CCDC170: variants seen among roughly 807,000 people sequenced by gnomAD.
CCDC170 encodes the protein coiled-coil domain containing 170.
In CCDC170, 69 loss-of-function variants were observed where a neutral mutation model predicts 72.6. That is an observed-to-expected ratio of 0.95 (90% CI 0.78 to 1.16). The LOEUF (loss-of-function observed/expected upper bound fraction) is 1.16. Among genes scored for constraint, CCDC170 ranks in the 50% most tolerant of loss-of-function variants. CCDC170 has a pLI of 0.00. For synonymous variants in CCDC170, 300 were observed against 303.9 expected, an observed-to-expected ratio of 0.99 and a Z score of 0.13; for missense variants, 852 against 832.5, an observed-to-expected ratio of 1.02 and a Z score of -0.29.
At chr6:151,597,694 A>T (rs937218559) in intron 9 of CCDC170, among the ~76,000 whole-genome samples, 1 of 152,244 alleles carries the variant, frequency 6.6e-6, no homozygotes, top group Non-Finnish European at 1.5e-5. Context: ...ACTTCTAACG[A>T]AGGCAGAGCA....
intron 1 of CCDC170, among the ~76,000 whole-genome samples, chr6:151,516,871 G>T (rs57654960): frequency 0.13 from 19,621 of 152,152 alleles, 1,430 homozygotes; most frequent in Middle Eastern, 0.21. Flanking sequence ...GTGCCATATT[G>T]TCTTTTCCTT....
intron 9 of CCDC170, among the ~76,000 whole-genome samples, chr6:151,603,551 A>G (rs187588250): frequency 1.6e-4 from 25 of 152,348 alleles, no homozygotes; most frequent in Middle Eastern, 3.4e-3. Flanking sequence ...TGCTTTGTGT[A>G]ATTTATATCA....
intron 1 of CCDC170, among the ~76,000 whole-genome samples, chr6:151,504,880 C>T (rs1782044080): frequency 1.3e-5 from 2 of 151,488 alleles, no homozygotes; most frequent in African/African-American, 4.9e-5. Flanking sequence ...GGACAGAACC[C>T]AGCAAATATC....
intron 5 of CCDC170, 134 bp downstream of exon 5, chr6:151,548,623 C>CTGAGTGCAGGCTCTTAA: frequency 1.4e-6 from 1 of 714,338 alleles, no homozygotes; most frequent in Non-Finnish European, 2.1e-6. Context: ...TAAGAGCCTG[C>CTGAGTGCAGGCTCTTAA]ACTCAGCAGG....
At chr6:151,611,943 TC>T (rs1404935333) in intron 9 of CCDC170, among the ~76,000 whole-genome samples, 1 of 152,120 alleles carries the variant, frequency 6.6e-6, no homozygotes, top group Non-Finnish European at 1.5e-5. Flanking sequence ...ACTCCTGACC[TC>T]GTGATCCACC....
rs770534076 is a variant in CCDC170 at position 151,596,458 on chromosome 6, G to A, written c.1591G>A (p.Ala531Thr). The change falls in exon 9 of 11, where the codon GCG becomes ACG. Residue 531 changes from alanine to threonine, a missense_variant. Ala to Thr is a moderately conservative substitution (Grantham distance 58, BLOSUM62 0). Coordinates refer to ENST00000239374, the MANE Select transcript of CCDC170 (RefSeq NM_025059.4). ...GGCCTTGGTGGTTGAGAGGGACAAC[G>A]CGCATCTTACCATCAGGAACTTGCA... ...RTALVVERDN[A>T]HLTIRNLQKK... The A allele has an allele frequency of 2.2e-5, 36 of 1,613,956 alleles. No individual in the cohort carries two copies. The highest frequency in any genetic ancestry group is 4.5e-5 in the East Asian group (2 of 44,882).
At chr6:151,506,501 A>G (rs981476998) in intron 1 of CCDC170, among the ~76,000 whole-genome samples, 1 of 152,246 alleles carries the variant, frequency 6.6e-6, no homozygotes, top group African/African-American at 2.4e-5. Flanking sequence ...TCAAGCTTAC[A>G]AAGATAGATT....
intron 6 of CCDC170, among the ~76,000 whole-genome samples, chr6:151,584,794 C>T (rs1776429260): frequency 6.6e-6 from 1 of 152,094 alleles, no homozygotes; most frequent in Admixed American, 6.5e-5. Flanking sequence ...CATATAATAG[C>T]CTTTCAAAAA....
At position 151,596,524 on chromosome 6, in the gene CCDC170, C is replaced by A. The variant is rs370430081; in HGVS notation, c.1657C>A (p.Arg553=). 6.2e-7 allele frequency: 1 copy of A among 1,614,044 alleles called. No individual in the cohort carries two copies. The highest frequency in any genetic ancestry group is 1.7e-5 in the Admixed American group (1 of 59,998). The change falls in exon 9 of 11, where the codon CGA becomes AGA. Residue 553 remains arginine (R), a synonymous_variant. Coordinates refer to ENST00000239374, the MANE Select transcript of CCDC170 (RefSeq NM_025059.4). ...ERLQKELNTC[R]DLHTELKAKL... The stretch of plus-strand genomic sequence containing the variant: ...GCTGCAGAAAGAGCTGAACACGTGT[C>A]GAGACTTGCACACCGAGCTCAAAGC...
chr6:151,554,144 A>G (rs748181815), intron 5 of CCDC170, among the ~76,000 whole-genome samples: 1 of 152,220 alleles, frequency 6.6e-6, no homozygotes, highest in East Asian at 1.9e-4. Context: ...AAAACTACCA[A>G]AAGTTGGTAC....
chr6:151,561,158 A>G (rs1000790729), intron 5 of CCDC170, among the ~76,000 whole-genome samples: 4 of 152,100 alleles, frequency 2.6e-5, no homozygotes, highest in African/African-American at 7.2e-5. Flanking sequence ...TGTAATAATC[A>G]TATCATGAAG....
Position 151,504,352 on chromosome 6 carries a change from T to G in CCDC170, c.57+10167T>G, listed in dbSNP as rs138177191. On this transcript the variant is annotated intron_variant, in intron 1 of 10. Transcript: ENST00000239374. ...AAATGGAGTTAAAAAGTAGAAGGCA[T>G]TGTTTCACTCCAACTATGGAGCTTA... 4.6e-5 allele frequency among the ~76,000 whole-genome samples: 7 copies of G among 152,312 alleles called. No individual in the cohort carries two copies. In the East Asian group the frequency reaches 1.2e-3, roughly 25 times the overall value.
chr6:151,527,449 C>A (rs540437891), intron 1 of CCDC170, among the ~76,000 whole-genome samples: 1 of 152,176 alleles, frequency 6.6e-6, no homozygotes, highest in East Asian at 1.9e-4. Flanking sequence ...AGGAAGAAAA[C>A]CAGGAGGGCC....
chr6:151,599,891 A>T (rs751450187), intron 9 of CCDC170, among the ~76,000 whole-genome samples: 4 of 152,214 alleles, frequency 2.6e-5, no homozygotes. Context: ...GGATGAAAAG[A>T]AGAGAGTTAG....
chr6:151,523,840 A>T (rs1176565219), intron 1 of CCDC170, among the ~76,000 whole-genome samples: 1 of 152,220 alleles, frequency 6.6e-6, no homozygotes, highest in Non-Finnish European at 1.5e-5. Context: ...AGCATTGCAA[A>T]CACTGCTGTG....
chr6:151,521,772 A>G (rs1023378010), intron 1 of CCDC170, among the ~76,000 whole-genome samples: 2 of 152,106 alleles, frequency 1.3e-5, no homozygotes, highest in East Asian at 1.9e-4. Context: ...TCACGAGGTC[A>G]GGAGATAGCG....
rs142450160 is a variant in CCDC170, at chr6:151,520,068, C to A, written c.58-16250C>A. ...AGGTCTCAGCCTCATTTTACCCAGCCCCTATTCAAGATGGAGCCACTCTGG... is the reference window on the plus strand; with the variant it reads ...AGGTCTCAGCCTCATTTTACCCAGCACCTATTCAAGATGGAGCCACTCTGG... On this transcript the variant is annotated intron_variant, in intron 1 of 10. Coordinates refer to ENST00000239374, the MANE Select transcript of CCDC170 (RefSeq NM_025059.4). Among the ~76,000 whole-genome samples the A allele has an allele frequency of 6.7e-3, 1,025 of 152,296 alleles. 15 individuals carry two copies. Among genetic ancestry groups the A allele is most frequent in the African/African-American group, 0.021 (880 of 41,566 alleles).
intron 10 of CCDC170, chr6:151,615,942 TGCCCCTCCA>T (rs1776960224): frequency 9.1e-6 from 3 of 329,924 alleles, no homozygotes; most frequent in African/African-American, 2.1e-5. Context: ...CATATCCACC[TGCCCCTCCA>T]GCATCTTTTT....
intron 5 of CCDC170, among the ~76,000 whole-genome samples, chr6:151,549,213 G>T (rs575104102): frequency 6.6e-6 from 1 of 152,010 alleles, no homozygotes; most frequent in African/African-American, 2.4e-5. Flanking sequence ...TCTAATTTTT[G>T]TTTAATAGAG....
Sources: gnomAD v4.1 joint callset for allele counts (sites outside exome capture counted in the v4.1 genomes callset) on GRCh38, gnomAD v4.1.1 for gene constraint, MANE v1.5 for transcripts, NCBI Gene and HGNC (gene_info 2026-07-23, HGNC 2026-07-21) for gene names.